ZNF439: variants seen among roughly 807,000 people sequenced by gnomAD.
The protein encoded by ZNF439 is zinc finger protein 439.
In ZNF439, 40 loss-of-function variants were observed where a neutral mutation model predicts 47.3. The ratio of observed to expected loss-of-function variants is 0.85; its 90% CI spans 0.66 to 1.10. The LOEUF (loss-of-function observed/expected upper bound fraction) is 1.10, where lower values mean the gene tolerates loss of function less well. Among genes scored for constraint, ZNF439 ranks in the 50% least tolerant of loss-of-function variants. ZNF439 has a pLI of 0.00. For synonymous variants in ZNF439, 171 were observed against 198.8 expected (o/e 0.86, Z 1.18); for missense variants, 556 against 601.1 (o/e 0.93, Z 0.78).
intron 1 of ZNF439, 48 bp from the exon 2 acceptor site, chr19:11,866,157 A>C (rs139088719): frequency 1.9e-6 from 3 of 1,612,640 alleles, no homozygotes; most frequent in East Asian, 2.2e-5. Context: ...TAGGCCCCCA[A>C]TGCTGTCACT....
chr19:11,859,099 C>T (rs993407039), intron 1 of ZNF439, among the ~76,000 whole-genome samples: 2 of 152,206 alleles, frequency 1.3e-5, no homozygotes, highest in African/African-American at 2.4e-5. Context: ...TTACAATCTA[C>T]GTTTGCATTC....
intron 1 of ZNF439, chr19:11,850,247 TA>T (rs772762864): frequency 5.3e-5 from 8 of 152,240 alleles, no homozygotes; most frequent in Non-Finnish European, 1.0e-4. Context: ...CTAATTGTTG[TA>T]TTTTTAGTAG....
At position 11,868,274 on chromosome 19, in the gene ZNF439, G is replaced by C. The variant is rs777061664; in HGVS notation, c.1220G>C (p.Arg407Thr). Residue 407 changes from arginine (R) to threonine (T), a missense_variant, in exon 4 of 4, where the codon AGG becomes ACG. Coordinates refer to ENST00000682736, the MANE Select transcript of ZNF439 (RefSeq NM_001348719.2). ...TRSGSFRYHE[R>T]THTGEKPYEC... ...TCCGGTTCCTTTCGATATCATGAAA[G>C]GACTCACACTGGAGAGAAACCCTAT... 1 of 1,614,074 alleles carries C rather than the reference G, an allele frequency of 6.2e-7. No homozygotes were observed. Among genetic ancestry groups the C allele is most frequent in the Non-Finnish European group, 8.5e-7 (1 of 1,180,024 alleles).
chr19:11,869,030 T>A lies in ZNF439; in HGVS notation c.*461T>A, dbSNP rs979852677. The A allele has an allele frequency of 3.6e-6, 1 of 275,384 alleles. No individual in the cohort carries two copies. The highest frequency in any genetic ancestry group is 2.3e-5 in the African/African-American group (1 of 43,194). The allele number at this position is 275,384 out of a possible 1,614,324, so 17.1% of individuals were successfully genotyped here. On this transcript the variant is annotated 3_prime_UTR_variant, in exon 4 of 4. Coordinates refer to ENST00000682736, the MANE Select transcript of ZNF439 (RefSeq NM_001348719.2). ...CATTCAATTATTTTTCTTCCTTGCA[T>A]ATACATGAAAGGACTCATACGAGAG...
chr19:11,863,405 C>G (rs1003452353), intron 1 of ZNF439, among the ~76,000 whole-genome samples: 1 of 152,086 alleles, frequency 6.6e-6, no homozygotes, highest in Admixed American at 6.5e-5. Flanking sequence ...AGTGATCTAC[C>G]CTCCTCAGCC....
chr19:11,867,158 T>G (rs577378889), intron 3 of ZNF439, 148 bp from the exon 4 acceptor site: 1 of 932,172 alleles, frequency 1.1e-6, no homozygotes, highest in East Asian at 2.6e-5. Context: ...TTGTAGAATG[T>G]GTTGTCCAGT....
intron 1 of ZNF439, among the ~76,000 whole-genome samples, chr19:11,863,544 A>G (rs1188137487): frequency 4.6e-5 from 7 of 152,134 alleles, no homozygotes; most frequent in African/African-American, 1.7e-4. Context: ...TTGATCAGAT[A>G]GGTGTCCTGC....
At chr19:11,849,172 G>A in intron 1 of ZNF439, 3 of 1,079,688 alleles carry the variant, frequency 2.8e-6, no homozygotes, top group South Asian at 2.4e-5. Context: ...CTCCGCGCCC[G>A]CAGCCCGACG....
chr19:11,858,437 G>T (rs145677578), intron 1 of ZNF439: 2 of 149,052 alleles, frequency 1.3e-5, no homozygotes, highest in African/African-American at 2.5e-5. Context: ...CTGCACTCCA[G>T]CCTGGGCGAC....
At chr19:11,860,182 C>T (rs182724040) in intron 1 of ZNF439, among the ~76,000 whole-genome samples, 4 of 152,248 alleles carry the variant, frequency 2.6e-5, no homozygotes, top group South Asian at 4.1e-4. Flanking sequence ...TAATGTTGCT[C>T]CTCAATCCCA....
chr19:11,863,045 GCC>G lies in ZNF439; in HGVS notation c.64-3159_64-3158del, dbSNP rs553996136. ...TTATAGACATGAGCCATCGTGCCCA[GCC>G]TGTTTTCATTTGCTCTTTAATAACA... On this transcript the variant is annotated intron_variant, in intron 1 of 3. Transcript: ENST00000682736. 5.1e-3 allele frequency among the ~76,000 whole-genome samples: 780 copies of G among 151,790 alleles called. 9 individuals are homozygous for G. Among genetic ancestry groups the G allele is most frequent in the African/African-American group, 0.018 (748 of 41,376 alleles).
chr19:11,865,322 C>G (rs373213830), intron 1 of ZNF439, among the ~76,000 whole-genome samples: 2 of 151,742 alleles, frequency 1.3e-5, no homozygotes, highest in East Asian at 3.9e-4. Context: ...GTTTGCCCTT[C>G]TTATCAGCAT....
At chr19:11,853,841 C>A (rs1270016900) in intron 1 of ZNF439, among the ~76,000 whole-genome samples, 1 of 152,170 alleles carries the variant, frequency 6.6e-6, no homozygotes, top group African/African-American at 2.4e-5. Context: ...CAACATCATT[C>A]CAATAACTAT....
At chr19:11,862,506 T>C (rs535731910) in intron 1 of ZNF439, among the ~76,000 whole-genome samples, 52 of 152,288 alleles carry the variant, frequency 3.4e-4, no homozygotes, top group African/African-American at 1.2e-3. Context: ...AGGACTTTTG[T>C]GTGGACATCA....
intron 1 of ZNF439, chr19:11,850,522 G>T (rs1489507579): frequency 6.6e-6 from 1 of 152,110 alleles, no homozygotes; most frequent in African/African-American, 2.4e-5. Context: ...AAAAGGTTCA[G>T]ATTTCAGTTG....
At chr19:11,866,068 A>C in intron 1 of ZNF439, 137 bp from the exon 2 acceptor site, 1 of 1,527,320 alleles carries the variant, frequency 6.5e-7, no homozygotes, top group Non-Finnish European at 8.7e-7. Context: ...ATAGACAGAG[A>C]GAAAGGGATC....
Position 11,867,329 on chromosome 19 carries a change from A to G in ZNF439, c.275A>G (p.Asn92Ser). ...NFRSVTEEKV[N>S]EIKEDSHCGE... ...AGGAGTGTCACAGAAGAGAAAGTCA[A>G]TGAAATTAAAGAAGACAGTCATTGT... The change falls in exon 4 of 4, where the codon AAT (asparagine) becomes AGT (serine). Residue 92 changes from asparagine (N) to serine (S), a missense_variant. By Grantham distance (46) the Asn-to-Ser change is conservative. Transcript: ENST00000682736. The G allele has an allele frequency of 1.9e-6, 3 of 1,612,168 alleles. No homozygotes were observed. Among genetic ancestry groups the G allele is most frequent in the Non-Finnish European group, 2.5e-6 (3 of 1,179,486 alleles).
intron 1 of ZNF439, among the ~76,000 whole-genome samples, chr19:11,862,569 G>A (rs1467824930): frequency 6.6e-6 from 1 of 152,132 alleles, no homozygotes; most frequent in East Asian, 1.9e-4. Flanking sequence ...GAATCCATAA[G>A]ACCGTGCTTA....
At position 11,868,463 on chromosome 19, in the gene ZNF439, C is replaced by G. The variant is rs1976777809; in HGVS notation, c.1409C>G (p.Pro470Arg). Residue 470 changes from proline (P) to arginine (R), a missense_variant, in exon 4 of 4, where the codon CCC becomes CGC. Pro to Arg is a moderately radical substitution (Grantham distance 103). Transcript: ENST00000682736. The part of the protein sequence containing the change: ...IHRRIHTGEK[P>R]YECKKCGKAF... ...CGTAGGATTCACACTGGAGAGAAAC[C>G]CTATGAATGTAAGAAATGTGGGAAA... 6.2e-7 allele frequency: 1 copy of G among 1,613,724 alleles called. No homozygotes were observed. Among genetic ancestry groups the G allele is most frequent in the Non-Finnish European group, 8.5e-7 (1 of 1,179,896 alleles).
Sources: gnomAD v4.1 joint callset for allele counts (sites outside exome capture counted in the v4.1 genomes callset) on GRCh38, gnomAD v4.1.1 for gene constraint, MANE v1.5 for transcripts, NCBI Gene and HGNC (gene_info 2026-07-23, HGNC 2026-07-21) for gene names.